Variants in WARS2 observed in about 807,000 individuals in gnomAD.
WARS2 encodes the protein tryptophan--tRNA ligase, mitochondrial.
Under a neutral mutation model 36.5 loss-of-function variants are expected in WARS2, and 28 were observed. The ratio of observed to expected loss-of-function variants is 0.77; its 90% confidence interval spans 0.57 to 1.05. The LOEUF (loss-of-function observed/expected upper bound fraction) is 1.05, where lower values mean the gene tolerates loss of function less well. WARS2 is among the 50% of genes least tolerant of loss of function. The probability of loss-of-function intolerance (pLI) is 0.00; values close to 1 mark genes in which losing one functional copy is unlikely to be tolerated. For synonymous variants in WARS2, 174 were observed against 178.4 expected (o/e 0.98, Z 0.20); for missense variants, 435 against 456.8 (o/e 0.95, Z 0.44).
chr1:119,101,723 C>A (rs1463185593), intron 1 of WARS2, among the ~76,000 whole-genome samples: 1 of 152,114 alleles, frequency 6.6e-6, no homozygotes, highest in East Asian at 1.9e-4. Flanking sequence ...ATAGGGAGAT[C>A]TGAACTATCT....
intron 1 of WARS2, among the ~76,000 whole-genome samples, chr1:119,100,834 C>T (rs1363444915): frequency 6.6e-6 from 1 of 152,086 alleles, no homozygotes; most frequent in Non-Finnish European, 1.5e-5. Flanking sequence ...GATGGGATTT[C>T]ACCATGTTGC....
intron 1 of WARS2, among the ~76,000 whole-genome samples, chr1:119,102,326 C>T (rs1197159791): frequency 6.7e-6 from 1 of 149,328 alleles, no homozygotes; most frequent in Non-Finnish European, 1.5e-5. Context: ...CTCCCAAGAG[C>T]TTCTCTCTAT....
At position 119,132,760 on chromosome 1, in the gene WARS2, C is replaced by A. The variant is rs587668822; in HGVS notation, c.90+7795G>T. Among the ~76,000 whole-genome samples the A allele has an allele frequency of 2.6e-5, 4 of 152,278 alleles. No individual in the cohort carries two copies. In the South Asian group the frequency reaches 8.3e-4, roughly 32 times the overall value. On this transcript the variant is annotated intron_variant, in intron 1 of 5. Transcript: ENST00000235521. ...CTTTGTTTGATGTATAAAATGAATTCTGTTCAATATTGCTAATTTTAAAGC... is the reference window on the plus strand; with the variant it reads ...CTTTGTTTGATGTATAAAATGAATTATGTTCAATATTGCTAATTTTAAAGC...
chr1:119,116,688 T>C (rs955324490), intron 1 of WARS2, among the ~76,000 whole-genome samples: 1 of 152,088 alleles, frequency 6.6e-6, no homozygotes, highest in Admixed American at 6.6e-5. Context: ...AAGTGAAATA[T>C]AAAAGTACAA....
intron 5 of WARS2, among the ~76,000 whole-genome samples, chr1:119,033,767 G>A (rs1647649037): frequency 6.6e-6 from 1 of 152,176 alleles, no homozygotes; most frequent in Non-Finnish European, 1.5e-5. Flanking sequence ...TTATCAGGAT[G>A]TAACCCAATT....
chr1:119,056,605 C>T lies in WARS2; in HGVS notation c.349-10943G>A, dbSNP rs72705392. 2.9e-3 allele frequency among the ~76,000 whole-genome samples: 427 copies of T among 149,602 alleles called. 1 individual carries two copies. Among genetic ancestry groups the T allele is most frequent in the Non-Finnish European group, 4.0e-3 (273 of 67,570 alleles). ...AGCCCAGTGAGGCATACTTTATAAA[C>T]AATAAGATGCACTCATTTTAGCTGT... On this transcript the variant is annotated intron_variant, in intron 2 of 5. Transcript: ENST00000235521.
At chr1:119,131,098 C>T (rs1355959776) in intron 1 of WARS2, among the ~76,000 whole-genome samples, 2 of 152,134 alleles carry the variant, frequency 1.3e-5, no homozygotes, top group African/African-American at 4.8e-5. Flanking sequence ...AAGAGAGATA[C>T]AATGTCCTAT....
At chr1:119,128,220 C>A (rs1220794761) in intron 1 of WARS2, among the ~76,000 whole-genome samples, 2 of 151,942 alleles carry the variant, frequency 1.3e-5, no homozygotes, top group Admixed American at 1.3e-4. Flanking sequence ...GATTATAGGC[C>A]CCCACAACCA....
At chr1:119,099,934 C>T (rs928312933) in intron 1 of WARS2, among the ~76,000 whole-genome samples, 4 of 152,104 alleles carry the variant, frequency 2.6e-5, no homozygotes, top group African/African-American at 9.7e-5. Context: ...AGGCAACAAA[C>T]CCAAAAATAG....
At chr1:119,138,925 T>G (rs1396249639) in intron 1 of WARS2, among the ~76,000 whole-genome samples, 1 of 152,218 alleles carries the variant, frequency 6.6e-6, no homozygotes, top group Non-Finnish European at 1.5e-5. Context: ...AAATTTTTTC[T>G]TTAGCATTTA....
chr1:119,054,388 A>C (rs551465112), intron 2 of WARS2, among the ~76,000 whole-genome samples: 8 of 152,236 alleles, frequency 5.3e-5, no homozygotes, highest in East Asian at 1.9e-4. Context: ...ATATATATAT[A>C]TCTCCCAGAA....
chr1:119,082,023 T>G (rs1007953238), intron 1 of WARS2, among the ~76,000 whole-genome samples: 15 of 152,086 alleles, frequency 9.9e-5, no homozygotes, highest in African/African-American at 3.6e-4. Flanking sequence ...GACCTAGGAA[T>G]CAATAGAGTA....
intron 1 of WARS2, among the ~76,000 whole-genome samples, chr1:119,111,083 CA>C (rs1219099841): frequency 2.0e-5 from 3 of 151,824 alleles, no homozygotes; most frequent in Admixed American, 6.6e-5. Context: ...TAATCATAGT[CA>C]AAAAAAATTC....
chr1:119,110,926 G>T (rs1654585875), intron 1 of WARS2, among the ~76,000 whole-genome samples: 1 of 152,046 alleles, frequency 6.6e-6, no homozygotes, highest in South Asian at 2.1e-4. Context: ...CCCTACTAAT[G>T]AACCTATCAA....
At chr1:119,087,979 T>C (rs1392699066) in intron 1 of WARS2, among the ~76,000 whole-genome samples, 4 of 152,156 alleles carry the variant, frequency 2.6e-5, no homozygotes, top group Non-Finnish European at 4.4e-5. Context: ...CCAGACCTAC[T>C]AAATCAGGAA....
intron 2 of WARS2, among the ~76,000 whole-genome samples, chr1:119,068,852 CAT>C (rs1651085192): frequency 4.9e-5 from 6 of 123,268 alleles, no homozygotes; most frequent in African/African-American, 7.3e-5. Flanking sequence ...CACACACACA[CAT>C]ACACACACAC....
chr1:119,044,068 G>A (rs1334872941), intron 3 of WARS2, among the ~76,000 whole-genome samples: 2 of 152,086 alleles, frequency 1.3e-5, no homozygotes, highest in Non-Finnish European at 2.9e-5. Flanking sequence ...TCTCACGAAG[G>A]GGGTTACTTC....
intron 2 of WARS2, among the ~76,000 whole-genome samples, chr1:119,073,577 C>G (rs2101297729): frequency 6.6e-6 from 1 of 152,294 alleles, no homozygotes; most frequent in South Asian, 2.1e-4. Context: ...AACAGCTTTA[C>G]AACTGCATTA....
chr1:119,038,805 C>G (rs1400237233), intron 4 of WARS2, among the ~76,000 whole-genome samples: 1 of 152,110 alleles, frequency 6.6e-6, no homozygotes, highest in Non-Finnish European at 1.5e-5. Context: ...CTCAGCCTCC[C>G]GAGTAGCTGG....
Sources: gnomAD v4.1 joint callset for allele counts (sites outside exome capture counted in the v4.1 genomes callset) on GRCh38, gnomAD v4.1.1 for gene constraint, MANE v1.5 for transcripts, NCBI Gene and HGNC (gene_info 2026-07-23, HGNC 2026-07-21) for gene names.